ZMIZ1: variants seen among roughly 807,000 people sequenced by gnomAD.
ZMIZ1 encodes the protein zinc finger MIZ domain-containing protein 1.
A neutral mutation model predicts 113.9 loss-of-function variants in ZMIZ1; 17 were observed. The ratio of observed to expected loss-of-function variants is 0.15; its 90% CI spans 0.10 to 0.22. The LOEUF is 0.22. Ranked by LOEUF, ZMIZ1 falls within the 10% of genes least tolerant of loss-of-function variation. The pLI is 1.00. For synonymous variants in ZMIZ1, 607 were observed against 603.1 expected (o/e 1.01, Z -0.09); for missense variants, 1,059 against 1,477.8 (o/e 0.72, Z 4.65).
intron 2 of ZMIZ1, among the ~76,000 whole-genome samples, chr10:79,121,380 G>A (rs536450455): frequency 6.6e-6 from 1 of 152,316 alleles, no homozygotes; most frequent in South Asian, 2.1e-4. Context: ...AGGTTAGAGG[G>A]GGTTCCCGAG....
chr10:79,276,733 C>T (rs1263831053), intron 7 of ZMIZ1, among the ~76,000 whole-genome samples: 1 of 152,152 alleles, frequency 6.6e-6, no homozygotes. Context: ...GGAGAAGCCA[C>T]GCTTTGCCTC....
chr10:79,111,983 T>C (rs1269129563), intron 1 of ZMIZ1, among the ~76,000 whole-genome samples: 1 of 152,192 alleles, frequency 6.6e-6, no homozygotes, highest in Non-Finnish European at 1.5e-5. Context: ...TTGGTTGGGC[T>C]AAAAAAGTAA....
chr10:79,290,040 A>C lies in ZMIZ1; in HGVS notation c.540+151A>C, dbSNP rs914659055. On this transcript the variant is annotated intron_variant, in intron 9 of 24. Transcript: ENST00000334512. ...CACACCCAGCTGTGGACACGTCTCC[A>C]CCCCTGGCAGGCTCTGCACCCGCCT... is the stretch of plus-strand genomic sequence containing the variant. The C allele has an allele frequency of 6.5e-6, 5 of 772,040 alleles. No homozygotes were observed. In the Middle Eastern group the frequency reaches 1.0e-3, roughly 158 times the overall value. 47.8% of individuals were successfully genotyped at this position (772,040 alleles called of 1,614,324 possible). A position where few individuals can be genotyped will look rare whatever the true frequency, so the allele number is the denominator to read the frequency against.
intron 1 of ZMIZ1, among the ~76,000 whole-genome samples, chr10:79,113,699 T>C (rs1843853407): frequency 6.6e-6 from 1 of 152,002 alleles, no homozygotes; most frequent in African/African-American, 2.4e-5. Context: ...GATTTTCTGC[T>C]CCCCCTCCAA....
At chr10:79,216,434 C>A in intron 7 of ZMIZ1, 160 bp downstream of exon 7, 1 of 580,896 alleles carries the variant, frequency 1.7e-6, no homozygotes, top group Non-Finnish European at 2.9e-6. Flanking sequence ...GGCTCTGGGA[C>A]CCACAGTTGG....
At chr10:79,089,144 C>T (rs1842915747) in intron 1 of ZMIZ1, among the ~76,000 whole-genome samples, 1 of 152,200 alleles carries the variant, frequency 6.6e-6, no homozygotes. Flanking sequence ...GCTGGTGCCA[C>T]ACTTGGGGAG....
chr10:79,278,542 C>T (rs1156343888), intron 8 of ZMIZ1, among the ~76,000 whole-genome samples: 1 of 151,730 alleles, frequency 6.6e-6, no homozygotes, highest in East Asian at 1.9e-4. Context: ...CAGATAAACA[C>T]GTGAACAAAG....
At chr10:79,242,953 A>C (rs1849932793) in intron 7 of ZMIZ1, among the ~76,000 whole-genome samples, 1 of 148,016 alleles carries the variant, frequency 6.8e-6, no homozygotes, top group Admixed American at 6.6e-5. Context: ...GGCTGGGCTG[A>C]CGGTCTGCGC....
intron 2 of ZMIZ1, among the ~76,000 whole-genome samples, chr10:79,123,111 C>T (rs1844369132): frequency 6.6e-6 from 1 of 152,192 alleles, no homozygotes. Flanking sequence ...CCCTAGCTGG[C>T]CTGGGCTGCA....
intron 3 of ZMIZ1, among the ~76,000 whole-genome samples, chr10:79,150,659 T>A (rs1334679037): frequency 6.6e-6 from 1 of 152,156 alleles, no homozygotes; most frequent in African/African-American, 2.4e-5. Context: ...GCAATGAGCA[T>A]CCCATGGGAT....
In ZMIZ1 at chr10:79,281,373, C is replaced by G. The variant is rs1358997300; in HGVS notation, c.425+4048C>G. On this transcript the variant is annotated intron_variant, in intron 8 of 24. Transcript: ENST00000334512. ...GATGGAGGAAGATGGACAGGGCTGA[C>G]TGTCAGGAGGCTGCCCAGAGGATGG... Among the ~76,000 whole-genome samples, 4 of 152,294 alleles carry G rather than the reference C, an allele frequency of 2.6e-5. No individual in the cohort carries two copies. The East Asian group carries it at 7.7e-4, about 29-fold the overall frequency.
chr10:79,202,041 T>C (rs1848106253), intron 5 of ZMIZ1, among the ~76,000 whole-genome samples: 1 of 136,862 alleles, frequency 7.3e-6, no homozygotes, highest in Admixed American at 7.6e-5. Flanking sequence ...CCTGCCCCTT[T>C]GCTCCAGTCG....
intron 1 of ZMIZ1, among the ~76,000 whole-genome samples, chr10:79,093,135 AAC>A (rs5786379): frequency 0.15 from 15,851 of 107,748 alleles, 2,263 homozygotes; most frequent in African/African-American, 0.4. Flanking sequence ...CCCCACCCCC[AAC>A]ACACACACAC....
At chr10:79,294,801 A>C (rs1236343746) in intron 12 of ZMIZ1, 1 of 152,108 alleles carries the variant, frequency 6.6e-6, no homozygotes, top group Non-Finnish European at 1.5e-5. Flanking sequence ...TGTGGCCTTC[A>C]CCTTGGGTTC....
intron 1 of ZMIZ1, among the ~76,000 whole-genome samples, chr10:79,078,338 C>T (rs1262948251): frequency 6.6e-6 from 1 of 152,114 alleles, no homozygotes; most frequent in Non-Finnish European, 1.5e-5. Context: ...TGGCCAGTCA[C>T]TCACCCCTCC....
chr10:79,087,360 A>AGTCAT (rs1168839622), intron 1 of ZMIZ1, among the ~76,000 whole-genome samples: 1 of 105,140 alleles, frequency 9.5e-6, no homozygotes, highest in East Asian at 2.6e-4. Context: ...GAAATTGGGA[A>AGTCAT]GTCATTTTGA....
rs2132135280 is a variant in ZMIZ1 at position 79,069,380 on chromosome 10, A to C, written c.-337+110A>C. The C allele has an allele frequency of 6.7e-6, 1 of 148,772 alleles. No individual in the cohort carries two copies. Among genetic ancestry groups the C allele is most frequent in the South Asian group, 2.1e-4 (1 of 4,716 alleles). 9.2% of individuals were successfully genotyped at this position (148,772 alleles called of 1,614,324 possible). ...ATTGGGTGCTGGGGTTTTTCCCTTAAAGTGTCCCCCGGAGCGGGGCGACCG... is the reference window on the plus strand; with the variant it reads ...ATTGGGTGCTGGGGTTTTTCCCTTACAGTGTCCCCCGGAGCGGGGCGACCG... On this transcript the variant is annotated intron_variant, in intron 1 of 24. Coordinates refer to ENST00000334512, the MANE Select transcript of ZMIZ1 (RefSeq NM_020338.4). This position sits in a 1 kb window ranked among gnomAD's most constrained non-coding sequence, Gnocchi z 4.6.
At chr10:79,089,344 T>C (rs1269680380) in intron 1 of ZMIZ1, among the ~76,000 whole-genome samples, 1 of 152,102 alleles carries the variant, frequency 6.6e-6, no homozygotes, top group Non-Finnish European at 1.5e-5. Context: ...TGTGGAAGAG[T>C]GGCATCAACA....
At chr10:79,223,989 G>T (rs1045224382) in intron 7 of ZMIZ1, among the ~76,000 whole-genome samples, 4 of 152,212 alleles carry the variant, frequency 2.6e-5, no homozygotes, top group African/African-American at 9.7e-5. Context: ...GTGGGGAGGG[G>T]CCCTGCCATG....
Sources: gnomAD v4.1 joint callset for allele counts (sites outside exome capture counted in the v4.1 genomes callset) on GRCh38, gnomAD v4.1.1 for gene constraint, Gnocchi (gnomAD v3.1) non-coding constraint, MANE v1.5 for transcripts, NCBI Gene and HGNC (gene_info 2026-07-23, HGNC 2026-07-21) for gene names.